Variants in GLDN observed in about 807,000 individuals in gnomAD.
GLDN encodes the protein collomin.
A neutral mutation model predicts 56.5 loss-of-function variants in GLDN; 47 were observed. That is an observed-to-expected ratio of 0.83 (90% CI 0.66 to 1.06). The LOEUF is 1.06. GLDN is among the 50% of genes least tolerant of loss of function. The probability of loss-of-function intolerance (pLI) is 0.00; values close to 1 mark genes in which losing one functional copy is unlikely to be tolerated. For synonymous variants in GLDN, 332 were observed against 278.8 expected (o/e 1.19, Z -1.90); for missense variants, 782 against 714.3 (o/e 1.09, Z -1.08).
At chr15:51,394,730 G>A (rs1566949837) in intron 4 of GLDN, 105 bp from the exon 5 acceptor site, 2 of 1,059,608 alleles carry the variant, frequency 1.9e-6, no homozygotes, top group Non-Finnish European at 2.8e-6. Flanking sequence ...TGTGTGTTTG[G>A]TATATAAAAC....
chr15:51,386,566 G>C (rs2037898183), intron 4 of GLDN, among the ~76,000 whole-genome samples: 2 of 152,220 alleles, frequency 1.3e-5, no homozygotes. Context: ...GCCGTCAAGT[G>C]GGAGACAGTG....
At chr15:51,383,718 A>T in intron 3 of GLDN, 67 bp from the exon 4 acceptor site, 3 of 1,209,980 alleles carry the variant, frequency 2.5e-6, no homozygotes, top group Non-Finnish European at 3.5e-6. Flanking sequence ...AGGAAATGAC[A>T]GTAACTTCAG....
chr15:51,368,349 C>CGT (rs547182903), intron 1 of GLDN, among the ~76,000 whole-genome samples: 2,185 of 151,944 alleles, frequency 0.014, 48 homozygotes, highest in African/African-American at 0.05. Flanking sequence ...GGCACAGAAA[C>CGT]GGGCAGTCAG....
chr15:51,383,543 A>G, intron 3 of GLDN, 90 bp downstream of exon 3: 3 of 1,467,366 alleles, frequency 2.0e-6, no homozygotes, highest in Non-Finnish European at 2.9e-6. Flanking sequence ...GGGGAGGGCA[A>G]GAGCCTGGAG....
intron 4 of GLDN, among the ~76,000 whole-genome samples, chr15:51,387,505 T>A (rs1369468691): frequency 6.6e-6 from 1 of 151,914 alleles, no homozygotes; most frequent in African/African-American, 2.4e-5. Context: ...CCAGGCGAGG[T>A]TGGAGGCTGG....
chr15:51,405,410 T>G lies in GLDN; in HGVS notation c.*656T>G, dbSNP rs1301684912. The G allele has an allele frequency of 6.6e-6, 1 of 151,460 alleles. No homozygotes were observed. The highest frequency in any genetic ancestry group is 1.5e-5 in the Non-Finnish European group (1 of 67,904). The allele number at this position is 151,460 out of a possible 1,614,324, so 9.4% of individuals were successfully genotyped here. A position where few individuals can be genotyped will look rare whatever the true frequency, so the allele number is the denominator to read the frequency against. On this transcript the variant is annotated 3_prime_UTR_variant, in exon 10 of 10. Transcript: ENST00000335449. ...TTTTTTTTTTTTTTCAATAAGCTATTTTTTTTCTTTTCTTATTTTAAATAG... is the reference window on the plus strand; with the variant it reads ...TTTTTTTTTTTTTTCAATAAGCTATGTTTTTTCTTTTCTTATTTTAAATAG...
rs2038410922 is a variant in GLDN, at chr15:51,407,548, C to T, written c.*2794C>T. ...AAAACCATCCCTCCCAACCTCAAAG[C>T]TAGGCCACACTCTATTTCAAGGCAT... On this transcript the variant is annotated 3_prime_UTR_variant, in exon 10 of 10. Transcript: ENST00000335449. 1 of 152,208 alleles carries T rather than the reference C, an allele frequency of 6.6e-6. No individual in the cohort carries two copies. Among genetic ancestry groups the T allele is most frequent in the African/African-American group, 2.4e-5 (1 of 41,454 alleles). 9.4% of individuals were successfully genotyped at this position (152,208 alleles called of 1,614,324 possible).
chr15:51,412,389 T>C (rs1026867164), downstream of GLDN, among the ~76,000 whole-genome samples: 7 of 152,224 alleles, frequency 4.6e-5, no homozygotes, highest in Non-Finnish European at 1.0e-4. Context: ...AGTCCTTTTC[T>C]GTTTTTTTGT....
At chr15:51,391,939 T>G (rs1429554484) in intron 4 of GLDN, among the ~76,000 whole-genome samples, 1 of 152,248 alleles carries the variant, frequency 6.6e-6, no homozygotes, top group Non-Finnish European at 1.5e-5. Context: ...TTCATAGTTT[T>G]CACTAAGGTT....
chr15:51,358,783 A>G (rs2037235493), intron 1 of GLDN, among the ~76,000 whole-genome samples: 2 of 152,142 alleles, frequency 1.3e-5, no homozygotes, highest in African/African-American at 4.8e-5. Flanking sequence ...GCTGAAGAAG[A>G]AGTGACTTAT....
At chr15:51,408,734 A>C (rs974039234), downstream of GLDN, among the ~76,000 whole-genome samples, 4 of 152,040 alleles carry the variant, frequency 2.6e-5, no homozygotes, top group Admixed American at 6.5e-5. Context: ...CCCTGTGTCC[A>C]AGTGTTCTCA....
chr15:51,404,413 G>A lies in GLDN; in HGVS notation c.1315G>A (p.Ala439Thr). Reference protein sequence around the residue: ...VDEKGLWIIYASSVDGSSILV... With the variant: ...VDEKGLWIIYTSSVDGSSILV... ...TGAAAAGGGCCTTTGGATTATCTAT[G>A]CGTCAAGTGTGGACGGCTCGAGCAT... is the stretch of plus-strand genomic sequence containing the variant. The change falls in exon 10 of 10, where the codon GCG becomes ACG. Residue 439 changes from alanine to threonine, a missense_variant. Coordinates refer to ENST00000335449, the MANE Select transcript of GLDN (RefSeq NM_181789.4). The A allele has an allele frequency of 6.2e-7, 1 of 1,614,120 alleles. No individual in the cohort carries two copies.
chr15:51,404,292 G>A lies in GLDN; in HGVS notation c.1194G>A (p.Gln398=). 6.3e-7 allele frequency: 1 copy of A among 1,592,764 alleles called. No individual in the cohort carries two copies. Among genetic ancestry groups the A allele is most frequent in the Non-Finnish European group, 8.5e-7 (1 of 1,171,246 alleles). ...SNTLVRFEFG[Q]ETSQTLKLEN... is the part of the protein sequence containing the mutation. ...CATATTTCAGATTTGAATTTGGCCA[G>A]GAAACATCCCAAACTCTGAAGCTTG... Residue 398 remains glutamine, a synonymous_variant, in exon 10 of 10, where the codon CAG becomes CAA. Transcript: ENST00000335449.
intron 4 of GLDN, among the ~76,000 whole-genome samples, chr15:51,392,649 G>T (rs1236304032): frequency 1.3e-5 from 2 of 152,220 alleles, no homozygotes; most frequent in African/African-American, 2.4e-5. Flanking sequence ...TGCCAAAAAG[G>T]TTGGGAACCA....
At chr15:51,362,901 A>T (rs1224108475) in intron 1 of GLDN, among the ~76,000 whole-genome samples, 1 of 152,152 alleles carries the variant, frequency 6.6e-6, no homozygotes, top group East Asian at 1.9e-4. Flanking sequence ...GACAGTTTAA[A>T]TGTGATGTGA....
chr15:51,354,662 C>T (rs553373114), intron 1 of GLDN, among the ~76,000 whole-genome samples: 2 of 152,134 alleles, frequency 1.3e-5, no homozygotes, highest in Non-Finnish European at 2.9e-5. Context: ...GCCAGACAGG[C>T]CTTCCTGTAC....
chr15:51,400,003 C>T (rs1050221234), intron 6 of GLDN, among the ~76,000 whole-genome samples, 189 bp from the exon 7 acceptor site: 8 of 152,070 alleles, frequency 5.3e-5, no homozygotes, highest in Admixed American at 1.3e-4. Context: ...ACAAGCAGGG[C>T]GAAGAATTTG....
At chr15:51,345,836 GA>G (rs2036968154) in intron 1 of GLDN, among the ~76,000 whole-genome samples, 1 of 152,158 alleles carries the variant, frequency 6.6e-6, no homozygotes, top group African/African-American at 2.4e-5. Flanking sequence ...TATATACCTG[GA>G]AAATCTGTTG....
chr15:51,345,187 C>G (rs2036956510), intron 1 of GLDN, among the ~76,000 whole-genome samples: 1 of 152,368 alleles, frequency 6.6e-6, no homozygotes, highest in East Asian at 1.9e-4. Flanking sequence ...TCATTCCTCT[C>G]TTCCTGTCTC....
Sources: gnomAD v4.1 joint callset for allele counts (sites outside exome capture counted in the v4.1 genomes callset) on GRCh38, gnomAD v4.1.1 for gene constraint, MANE v1.5 for transcripts, NCBI Gene and HGNC (gene_info 2026-07-23, HGNC 2026-07-21) for gene names.